The following FAM131B variants were observed in gnomAD, a reference collection of about 807,000 sequenced individuals.
The protein encoded by FAM131B is protein FAM131B.
FAM131B carries 19 observed loss-of-function variants against 42.0 expected under a neutral mutation model. That is an observed-to-expected ratio of 0.45 (90% CI 0.32 to 0.66). The LOEUF is 0.66. Among genes scored for constraint, FAM131B ranks in the 30% least tolerant of loss-of-function variants. The pLI is 0.05. For synonymous variants in FAM131B, 183 were observed against 177.6 expected, an observed-to-expected ratio of 1.03 and a Z score of -0.24; for missense variants, 370 against 468.4, an observed-to-expected ratio of 0.79 and a Z score of 1.94.
chr7:143,377,223 G>A, the FAM131B span, among the ~76,000 whole-genome samples: 1 of 152,178 alleles, frequency 6.6e-6, no homozygotes, highest in South Asian at 2.1e-4. Flanking sequence ...CTCCCAAGGT[G>A]GTGAGATTAC....
chr7:143,362,132 G>T lies in FAM131B; in HGVS notation c.28+444C>A. ...GGCGGCGGCGGGGGGTGGCGTGGGGGGCGTGCGAAAGAAACTCGGGGCTGG... is the reference window on the plus strand; with the variant it reads ...GGCGGCGGCGGGGGGTGGCGTGGGGTGCGTGCGAAAGAAACTCGGGGCTGG... On this transcript the variant is annotated intron_variant, in intron 1 of 6. Transcript: ENST00000443739. This position sits in a 1 kb window ranked among gnomAD's most constrained non-coding sequence, Gnocchi z 7.7. 4.2e-6 allele frequency: 3 copies of T among 711,984 alleles called. No homozygotes were observed. Among genetic ancestry groups the T allele is most frequent in the Non-Finnish European group, 5.2e-6 (3 of 578,848 alleles). 44.1% of individuals were successfully genotyped at this position (711,984 alleles called of 1,614,324 possible). A position where few individuals can be genotyped will look rare whatever the true frequency, so the allele number is the denominator to read the frequency against.
At chr7:143,366,559 C>CTT (rs34519209), upstream of FAM131B, among the ~76,000 whole-genome samples, 21,739 of 138,166 alleles carry the variant, frequency 0.16, 2,085 homozygotes, top group East Asian at 0.35. Flanking sequence ...GGTCTGTATT[C>CTT]TTTTTTTTTT....
chr7:143,381,754 C>T, the FAM131B span: 3 of 1,584,448 alleles, frequency 1.9e-6, no homozygotes, highest in South Asian at 2.3e-5. Context: ...GCCGGGTGGG[C>T]GAGATTCCCC....
At chr7:143,363,805 G>A (rs369469815), upstream of FAM131B, 2 of 152,228 alleles carry the variant, frequency 1.3e-5, no homozygotes, top group African/African-American at 2.4e-5. Context: ...AGGTCTCTCC[G>A]AGGTTGCAGA....
the FAM131B span, among the ~76,000 whole-genome samples, chr7:143,371,633 A>G: frequency 2.3e-4 from 34 of 146,870 alleles, no homozygotes; most frequent in African/African-American, 7.4e-4. Flanking sequence ...AAAAAAAAAA[A>G]AAAGAAAAGA....
rs1803783745 is a variant in FAM131B at position 143,358,352 on chromosome 7, T to A, written c.466+475A>T. ...TGTTATCAGACCTACACTACTTTCC[T>A]GGAACTAAACCTCTTCTGTAGGCCT... On this transcript the variant is annotated intron_variant, in intron 5 of 6. Coordinates refer to ENST00000443739, the MANE Select transcript of FAM131B (RefSeq NM_001031690.3). This position sits in a 1 kb window ranked among gnomAD's most constrained non-coding sequence, Gnocchi z 4.7. Among the ~76,000 whole-genome samples, 1 of 152,246 alleles carries A rather than the reference T, an allele frequency of 6.6e-6. No individual in the cohort carries two copies. Among genetic ancestry groups the A allele is most frequent in the Non-Finnish European group, 1.5e-5 (1 of 68,050 alleles).
rs565770608 is a variant in FAM131B, at chr7:143,360,271, C to T, written c.29-122G>A. 5.4e-6 allele frequency: 8 copies of T among 1,491,150 alleles called. No homozygotes were observed. In the African/African-American group the frequency reaches 9.7e-5, roughly 18 times the overall value. The allele number at this position is 1,491,150 out of a possible 1,614,324, so 92.4% of individuals were successfully genotyped here. On this transcript the variant is annotated intron_variant, in intron 1 of 6. Transcript: ENST00000443739. ...CTGCCCATTTCCTCTTATATCCCTG[C>T]ACTCTCCAAATTCTAGGGGAGACAA...
rs1039874726 is a variant in FAM131B, at chr7:143,354,291, T to G, written c.*2259A>C. 2.6e-5 allele frequency: 4 copies of G among 152,228 alleles called. No homozygotes were observed. The highest frequency in any genetic ancestry group is 9.7e-5 in the African/African-American group (4 of 41,438). 9.4% of individuals were successfully genotyped at this position (152,228 alleles called of 1,614,324 possible). ...TTTTGTCAGGGACCATTTGGCTTCCTTGGGAAAGGGAAGGAGGAACGAAAG... is the reference window on the plus strand; with the variant it reads ...TTTTGTCAGGGACCATTTGGCTTCCGTGGGAAAGGGAAGGAGGAACGAAAG... On this transcript the variant is annotated 3_prime_UTR_variant, in exon 7 of 7. Coordinates refer to ENST00000443739, the MANE Select transcript of FAM131B (RefSeq NM_001031690.3).
the FAM131B span, chr7:143,380,526 A>G: frequency 2.0e-6 from 2 of 985,492 alleles, no homozygotes; most frequent in Non-Finnish European, 1.2e-6. The surrounding 1 kb of genome is among the most constrained non-coding windows in gnomAD (Gnocchi z 5.0). Flanking sequence ...CCGGGTCTCC[A>G]GTCCGCAGGC....
the FAM131B span, among the ~76,000 whole-genome samples, chr7:143,377,045 G>A: frequency 1.3e-5 from 2 of 151,932 alleles, no homozygotes; most frequent in Admixed American, 6.6e-5. Context: ...TCTCGATCTC[G>A]GCTCACTGCA....
chr7:143,381,666 C>T, the FAM131B span: 2 of 1,611,738 alleles, frequency 1.2e-6, no homozygotes, highest in Non-Finnish European at 1.7e-6. Context: ...GTGGTGGCCC[C>T]AAAGCCCAAA....
the FAM131B span, among the ~76,000 whole-genome samples, chr7:143,377,103 G>A: frequency 6.6e-6 from 1 of 152,022 alleles, no homozygotes; most frequent in African/African-American, 2.4e-5. Context: ...GATTACAGGC[G>A]CACACCACCA....
chr7:143,379,500 G>A, the FAM131B span, among the ~76,000 whole-genome samples: 2 of 152,148 alleles, frequency 1.3e-5, no homozygotes, highest in South Asian at 2.1e-4. Context: ...TTAAGATGTC[G>A]TCCTAGGTAT....
In FAM131B at chr7:143,356,447, T is replaced by G; in HGVS notation, c.*103A>C. 3.6e-6 allele frequency: 3 copies of G among 826,852 alleles called. No individual in the cohort carries two copies. The highest frequency in any genetic ancestry group is 3.9e-6 in the Non-Finnish European group (2 of 512,470). The allele number at this position is 826,852 out of a possible 1,614,324, so 51.2% of individuals were successfully genotyped here. A position where few individuals can be genotyped will look rare whatever the true frequency, so the allele number is the denominator to read the frequency against. ...GACTGGAAGCTCCTGGGTTCCCCAA[T>G]GTTGTCTGCCCAGTTTCAGCTGTAC... On this transcript the variant is annotated 3_prime_UTR_variant, in exon 7 of 7. Coordinates refer to ENST00000443739, the MANE Select transcript of FAM131B (RefSeq NM_001031690.3). This position sits in a 1 kb window ranked among gnomAD's most constrained non-coding sequence, Gnocchi z 4.4.
chr7:143,376,552 C>T, the FAM131B span, among the ~76,000 whole-genome samples: 1 of 152,184 alleles, frequency 6.6e-6, no homozygotes, highest in African/African-American at 2.4e-5. Context: ...GGGAGTGGCC[C>T]TTGGACAGGG....
At position 143,353,854 on chromosome 7, in the gene FAM131B, A is replaced by T. The variant is rs1441033442; in HGVS notation, c.*2696T>A. On this transcript the variant is annotated 3_prime_UTR_variant, in exon 7 of 7. Coordinates refer to ENST00000443739, the MANE Select transcript of FAM131B (RefSeq NM_001031690.3). Reference sequence around the variant, plus strand: ...GATTTTCATTTAATAAAGTCAATTGAAAATGAAAGTGCACCCCCCCTCCAA... The same window carrying T: ...GATTTTCATTTAATAAAGTCAATTGTAAATGAAAGTGCACCCCCCCTCCAA... 6.6e-6 allele frequency: 1 copy of T among 150,558 alleles called. No homozygotes were observed. The highest frequency in any genetic ancestry group is 2.4e-5 in the African/African-American group (1 of 41,216). 9.3% of individuals were successfully genotyped at this position (150,558 alleles called of 1,614,324 possible).
the FAM131B span, among the ~76,000 whole-genome samples, chr7:143,372,596 A>G: frequency 6.6e-6 from 1 of 152,178 alleles, no homozygotes; most frequent in African/African-American, 2.4e-5. Flanking sequence ...GTGAATTGAG[A>G]CATGCTGTAA....
the FAM131B span, chr7:143,380,717 C>A: frequency 1.0e-6 from 1 of 985,440 alleles, no homozygotes; most frequent in Non-Finnish European, 1.2e-6. This position sits in a 1 kb window ranked among gnomAD's most constrained non-coding sequence, Gnocchi z 5.0. Context: ...GCTCACACAC[C>A]CCCTCCGGGC....
rs1803543901 is a variant in FAM131B, at chr7:143,354,001, A to AC, written c.*2548dup. ...CCCAAAGGAAAAGCAACCCTTTCCC[A>AC]CCCCGAAACAGCCTCTTCCTGCACA... On this transcript the variant is annotated 3_prime_UTR_variant, in exon 7 of 7. Coordinates refer to ENST00000443739, the MANE Select transcript of FAM131B (RefSeq NM_001031690.3). 6.6e-6 allele frequency: 1 copy of AC among 151,988 alleles called. No homozygotes were observed. The highest frequency in any genetic ancestry group is 1.5e-5 in the Non-Finnish European group (1 of 67,982). 9.4% of individuals were successfully genotyped at this position (151,988 alleles called of 1,614,324 possible).
Sources: allele counts gnomAD v4.1 joint callset (sites outside exome capture counted in the v4.1 genomes callset), GRCh38; gene constraint gnomAD v4.1.1; non-coding constraint Gnocchi (gnomAD v3.1); transcripts MANE v1.5; gene names NCBI Gene and HGNC (gene_info 2026-07-23, HGNC 2026-07-21).